Variants in CAD observed in about 807,000 individuals in gnomAD.
CAD encodes carbamoyl-phosphate synthetase 2, aspartate transcarbamylase, and dihydroorotase.
Under a neutral mutation model 237.2 loss-of-function variants are expected in CAD, and 81 were observed. The observed-to-expected ratio is 0.34, with a 90% confidence interval of 0.29 to 0.41. The LOEUF is 0.41. Ranked by LOEUF, CAD falls within the 10% of genes least tolerant of loss-of-function variation. The pLI is 1.00. For missense variants in CAD, 2,181 were observed against 2,951.7 expected (o/e 0.74, Z 6.05); for synonymous variants, 1,196 against 1,162.8 (o/e 1.03, Z -0.58).
chr2:27,234,797 A>T, intron 23 of CAD, 112 bp downstream of exon 23: 1 of 1,005,646 alleles, frequency 9.9e-7, no homozygotes, highest in Non-Finnish European at 1.5e-6. Context: ...GCATTGCCGG[A>T]TCGTGGGGGT....
chr2:27,243,280 TCAA>T lies in CAD; in HGVS notation c.6565_6567del (p.Asn2189del). ...GTGGTGATGCACCCGATGCCCCGTG[TCAA>T]CGAGATAAGGTGGTGCAGCATCAGA... is the stretch of plus-strand genomic sequence containing the variant. On this transcript the variant is annotated inframe_deletion, in exon 43 of 44. Transcript: ENST00000264705. 6.2e-7 allele frequency: 1 copy of T among 1,613,964 alleles called. No homozygotes were observed. Among genetic ancestry groups the T allele is most frequent in the Non-Finnish European group, 8.5e-7 (1 of 1,180,010 alleles).
chr2:27,238,755 C>G lies in CAD; in HGVS notation c.5062+123C>G, dbSNP rs995530562. On this transcript the variant is annotated intron_variant, in intron 31 of 43. Transcript: ENST00000264705. The stretch of plus-strand genomic sequence containing the variant: ...GGACAGGGTCTTGATCCGTATGGGA[C>G]CCTAGCCTCTAGGGTACCTGGTCTG... The G allele has an allele frequency of 3.3e-6, 3 of 902,864 alleles. No homozygotes were observed. In the African/African-American group the frequency reaches 5.0e-5, roughly 15 times the overall value. The allele number at this position is 902,864 out of a possible 1,614,324, so 55.9% of individuals were successfully genotyped here. A position where few individuals can be genotyped will look rare whatever the true frequency, so the allele number is the denominator to read the frequency against.
Position 27,239,661 on chromosome 2 carries a change from C to A in CAD, c.5395-36C>A, listed in dbSNP as rs1676204142. The A allele has an allele frequency of 6.5e-7, 1 of 1,531,598 alleles. No individual in the cohort carries two copies. Among genetic ancestry groups the A allele is most frequent in the South Asian group, 1.2e-5 (1 of 81,494 alleles). 94.9% of individuals were successfully genotyped at this position (1,531,598 alleles called of 1,614,324 possible). On this transcript the variant is annotated intron_variant, in intron 33 of 43. Transcript: ENST00000264705. The surrounding 1 kb of genome is among the most constrained non-coding windows in gnomAD (Gnocchi z 4.0). ...TACCCCTTTAGGACCTGAGTTCTCT[C>A]TGCTCCCTCCTGAGTGCCCTGCCTT... is the stretch of plus-strand genomic sequence containing the variant.
intron 2 of CAD, among the ~76,000 whole-genome samples, chr2:27,218,425 CAG>C: frequency 6.6e-6 from 1 of 152,226 alleles, no homozygotes; most frequent in South Asian, 2.1e-4. Flanking sequence ...GAAGCCAAAG[CAG>C]AGTCAGCTTA....
chr2:27,239,189 G>C lies in CAD; in HGVS notation c.5210G>C (p.Arg1737Pro). ...CTGCAGCGATTGCACCACAATCCTC[G>C]GCGCATCTTTCACCTGCCCCCGCAG... ...DLLQRLHHNP[R>P]RIFHLPPQED... The change falls in exon 32 of 44, where the codon CGG (arginine) becomes CCG (proline). Residue 1737 changes from arginine (R) to proline (P), a missense_variant. Physicochemically the swap from Arg to Pro is moderately radical, Grantham distance 103 (BLOSUM62 -2). Around this residue, in one of 12 missense-constraint regions of CAD, gnomAD observed 478 missense variants for 515.0 expected, o/e 0.93. Coordinates refer to ENST00000264705, the MANE Select transcript of CAD (RefSeq NM_004341.5). This position sits in a 1 kb window ranked among gnomAD's most constrained non-coding sequence, Gnocchi z 4.0. 1 of 1,610,908 alleles carries C rather than the reference G, an allele frequency of 6.2e-7. No individual in the cohort carries two copies.
chr2:27,229,761 A>G (rs1675633250), intron 15 of CAD, among the ~76,000 whole-genome samples: 1 of 151,702 alleles, frequency 6.6e-6, no homozygotes, highest in Admixed American at 6.6e-5. Context: ...CTGTAGTCCC[A>G]GCTACTCAGG....
At position 27,223,092 on chromosome 2, in the gene CAD, G is replaced by A. The variant is rs565163341; in HGVS notation, c.809+55G>A. The A allele has an allele frequency of 3.1e-4, 485 of 1,566,296 alleles. 2 individuals carry two copies. Among genetic ancestry groups the A allele is most frequent in the Admixed American group, 1.3e-4 (8 of 59,282 alleles). ...ATACTTGTGGCATGAGGGGTGGGGT[G>A]TCTCAGGAATGAGAAGAGAGTTGGT... is the stretch of plus-strand genomic sequence containing the variant. On this transcript the variant is annotated intron_variant, in intron 6 of 43. Transcript: ENST00000264705.
At position 27,235,997 on chromosome 2, in the gene CAD, A is replaced by G; in HGVS notation, c.4075-287A>G. On this transcript the variant is annotated intron_variant, in intron 25 of 43. Coordinates refer to ENST00000264705, the MANE Select transcript of CAD (RefSeq NM_004341.5). The surrounding 1 kb of genome is among the most constrained non-coding windows in gnomAD (Gnocchi z 5.2). Reference sequence around the variant, plus strand: ...GAAGCAAAGAGAAAAGTCTCTTAAAATCTCTGTACCACTGTTCTGATATTT... The same window carrying G: ...GAAGCAAAGAGAAAAGTCTCTTAAAGTCTCTGTACCACTGTTCTGATATTT... 2.0e-6 allele frequency: 1 copy of G among 506,824 alleles called. No individual in the cohort carries two copies. Among genetic ancestry groups the G allele is most frequent in the Non-Finnish European group, 3.5e-6 (1 of 286,782 alleles). The allele number at this position is 506,824 out of a possible 1,614,324, so 31.4% of individuals were successfully genotyped here.
rs1558547790 is a variant in CAD at position 27,243,253 on chromosome 2, T to C, written c.6536T>C (p.Met2179Thr). The C allele has an allele frequency of 6.2e-7, 1 of 1,614,058 alleles. No individual in the cohort carries two copies. Among genetic ancestry groups the C allele is most frequent in the Non-Finnish European group, 8.5e-7 (1 of 1,179,984 alleles). The change falls in exon 43 of 44, where the codon ATG becomes ACG. Residue 2179 changes from methionine (M) to threonine (T), a missense_variant. Around this residue, in one of 12 missense-constraint regions of CAD, gnomAD observed 170 missense variants for 212.1 expected, o/e 0.80. Transcript: ENST00000264705. The stretch of plus-strand genomic sequence containing the variant: ...ATCATGACCCGGGCCAAGAAGAAGA[T>C]GGTGGTGATGCACCCGATGCCCCGT... ...PHIMTRAKKK[M>T]VVMHPMPRVN...
intron 15 of CAD, among the ~76,000 whole-genome samples, chr2:27,229,462 G>A (rs940964488): frequency 1.3e-5 from 2 of 151,888 alleles, no homozygotes; most frequent in Admixed American, 1.3e-4. Context: ...TTTGTAGAGA[G>A]GGAGGTCTCA....
intron 15 of CAD, among the ~76,000 whole-genome samples, chr2:27,229,018 A>T (rs1190735389): frequency 2.0e-5 from 3 of 147,846 alleles, no homozygotes; most frequent in African/African-American, 5.0e-5. Context: ...TCCCAGGTTC[A>T]AGCGATTCAC....
At chr2:27,222,377 A>G (rs777966388) in intron 4 of CAD, 41 bp downstream of exon 4, 17 of 1,593,778 alleles carry the variant, frequency 1.1e-5, no homozygotes, top group South Asian at 5.6e-5. Flanking sequence ...GCTCTAGCAC[A>G]GTAGTTATAT....
rs13395251 is a variant in CAD at position 27,223,831 on chromosome 2, G to A, written c.995+83G>A. Reference sequence around the variant, plus strand: ...AAAAGTAAAGCACGGCAGTGGATCCGAGTCCCCTGTCCCACTACCCACCTC... The same window carrying A: ...AAAAGTAAAGCACGGCAGTGGATCCAAGTCCCCTGTCCCACTACCCACCTC... On this transcript the variant is annotated intron_variant, in intron 7 of 43. Transcript: ENST00000264705. The A allele has an allele frequency of 0.024, 37,168 of 1,559,984 alleles. 2,472 individuals are homozygous for A. In the African/African-American group the frequency reaches 0.25, roughly 10 times the overall value.
Position 27,232,651 on chromosome 2 carries a change from A to T in CAD, c.2849A>T (p.Glu950Val). 6.2e-7 allele frequency: 1 copy of T among 1,614,212 alleles called. No individual in the cohort carries two copies. The highest frequency in any genetic ancestry group is 8.5e-7 in the Non-Finnish European group (1 of 1,180,046). ...GTCTACCGTATTGGCTCTAGCGTTG[A>T]ATTTGACTGGTGTGCTGTAGGCTGC... The part of the protein sequence containing the change: ...SGVYRIGSSV[E>V]FDWCAVGCIQ... Residue 950 changes from glutamate to valine, a missense_variant, in exon 18 of 44, where the codon GAA becomes GTA. This residue lies in a region of CAD where 385 missense variants were observed against 535.1 expected (regional missense o/e 0.72). Transcript: ENST00000264705. This position sits in a 1 kb window ranked among gnomAD's most constrained non-coding sequence, Gnocchi z 4.1.
In CAD at chr2:27,225,875, G is replaced by C; in HGVS notation, c.1791G>C (p.Trp597Cys). ...TAGTAGACAAGTCTCTGAAGGGATG[G>C]AAGGAGATTGAGTACGAGGTGGTGA... ...QVLVDKSLKG[W>C]KEIEYEVVRD... Residue 597 changes from tryptophan to cysteine, a missense_variant, in exon 12 of 44, where the codon TGG (tryptophan) becomes TGC (cysteine). Around this residue, in one of 12 missense-constraint regions of CAD, gnomAD observed 385 missense variants for 535.1 expected, o/e 0.72. Coordinates refer to ENST00000264705, the MANE Select transcript of CAD (RefSeq NM_004341.5). 6.2e-7 allele frequency: 1 copy of C among 1,614,260 alleles called. No homozygotes were observed. Among genetic ancestry groups the C allele is most frequent in the Non-Finnish European group, 8.5e-7 (1 of 1,180,038 alleles).
rs904231729 is a variant in CAD, at chr2:27,223,930, C to T, written c.1009C>T (p.Pro337Ser). ...TCTCTTCAATAGTGTCCAGTTTCAC[C>T]CAGAGCACCAAGCTGGCCCTTCAGA... is the stretch of plus-strand genomic sequence containing the variant. ...SLPFFSVQFH[P>S]EHQAGPSDME... The change falls in exon 8 of 44, where the codon CCA (proline) becomes TCA (serine). Residue 337 changes from proline (P) to serine (S), a missense_variant. Coordinates refer to ENST00000264705, the MANE Select transcript of CAD (RefSeq NM_004341.5). 4 of 1,612,808 alleles carry T rather than the reference C, an allele frequency of 2.5e-6. No homozygotes were observed. The African/African-American group carries it at 5.3e-5, about 22-fold the overall frequency.
rs1278198764 is a variant in CAD at position 27,241,393 on chromosome 2, G to A, written c.5880G>A (p.Leu1960=). The A allele has an allele frequency of 1.9e-6, 3 of 1,614,088 alleles. No homozygotes were observed. The highest frequency in any genetic ancestry group is 2.5e-6 in the Non-Finnish European group (3 of 1,180,034). Reference sequence around the variant, plus strand: ...AGAAGGAGCGGAGCCTCGACATCCTGAAGGTCAGGATCAGGGCCGGGGGTA... The same window carrying A: ...AGAAGGAGCGGAGCCTCGACATCCTAAAGGTCAGGATCAGGGCCGGGGGTA... ...MVQKERSLDI[L]KGKVMASMFY... is the part of the protein sequence containing the mutation. Residue 1960 remains leucine, a synonymous_variant, in exon 38 of 44, where the codon CTG becomes CTA. Coordinates refer to ENST00000264705, the MANE Select transcript of CAD (RefSeq NM_004341.5). The surrounding 1 kb of genome is among the most constrained non-coding windows in gnomAD (Gnocchi z 4.6).
In CAD at chr2:27,221,211, T is replaced by A; in HGVS notation, c.223-7T>A. ...TGAGGCTTCTCACAATCTCTTTCCA[T>A]CTACAGTGGTTTGAATCCTCGGGCA... On this transcript the variant is annotated splice_polypyrimidine_tract_variant and splice_region_variant and intron_variant, in intron 2 of 43. Transcript: ENST00000264705. The A allele has an allele frequency of 6.6e-7, 1 of 1,516,126 alleles. No individual in the cohort carries two copies. The highest frequency in any genetic ancestry group is 8.9e-7 in the Non-Finnish European group (1 of 1,124,838). 93.9% of individuals were successfully genotyped at this position (1,516,126 alleles called of 1,614,324 possible).
chr2:27,223,576 G>A lies in CAD; in HGVS notation c.823G>A (p.Gly275Ser), dbSNP rs1050043944. ...TTCTACCTCCAGATATGGGAACCGAGGCCATAACCAGCCCTGCTTGTTGGT... is the reference window on the plus strand; with the variant it reads ...TTCTACCTCCAGATATGGGAACCGAAGCCATAACCAGCCCTGCTTGTTGGT... ...KTYKMRYGNR[G>S]HNQPCLLVGS... Residue 275 changes from glycine (G) to serine (S), a missense_variant, in exon 7 of 44, where the codon GGC (glycine) becomes AGC (serine). Around this residue, in one of 12 missense-constraint regions of CAD, gnomAD observed 4 missense variants for 18.4 expected, o/e 0.22. Transcript: ENST00000264705. 1.9e-6 allele frequency: 3 copies of A among 1,612,888 alleles called. No individual in the cohort carries two copies. The highest frequency in any genetic ancestry group is 2.5e-6 in the Non-Finnish European group (3 of 1,179,998).
Sources: allele counts gnomAD v4.1 joint callset (sites outside exome capture counted in the v4.1 genomes callset), GRCh38; gene constraint gnomAD v4.1.1; regional missense constraint gnomAD v4.1.1; non-coding constraint Gnocchi (gnomAD v3.1); transcripts MANE v1.5; gene names NCBI Gene and HGNC (gene_info 2026-07-23, HGNC 2026-07-21).